BCO1: variants seen among roughly 807,000 people sequenced by gnomAD.
BCO1 encodes the protein beta-carotene oxygenase 1.
A neutral mutation model predicts 56.3 loss-of-function variants in BCO1; 54 were observed. That is an observed-to-expected ratio of 0.96 (90% confidence interval 0.77 to 1.20). The LOEUF (loss-of-function observed/expected upper bound fraction) is 1.20, where lower values mean the gene tolerates loss of function less well. Among genes scored for constraint, BCO1 ranks in the 50% most tolerant of loss-of-function variants. The pLI is 0.00. For synonymous variants in BCO1, 318 were observed against 266.1 expected (o/e 1.20, Z -1.90); for missense variants, 801 against 690.9 (o/e 1.16, Z -1.79).
chr16:81,275,477 C>A (rs1021310124), intron 7 of BCO1, among the ~76,000 whole-genome samples: 1 of 152,216 alleles, frequency 6.6e-6, no homozygotes, highest in Non-Finnish European at 1.5e-5. Context: ...CCTCTAATGG[C>A]GCCTTGTAAC....
chr16:81,239,023 T>TA, intron 1 of BCO1, 51 bp downstream of exon 1: 1 of 1,416,214 alleles, frequency 7.1e-7, no homozygotes, highest in South Asian at 1.3e-5. Flanking sequence ...TTTTATTATT[T>TA]TTTTTTTTTT....
intron 8 of BCO1, 66 bp from the exon 9 acceptor site, chr16:81,285,474 C>T (rs1272818785): frequency 8.4e-7 from 1 of 1,189,642 alleles, no homozygotes; most frequent in African/African-American, 1.5e-5. Context: ...CCCAATCTGA[C>T]AGGAAGGGTG....
intron 2 of BCO1, among the ~76,000 whole-genome samples, chr16:81,258,044 C>T (rs1418431527): frequency 1.3e-5 from 2 of 152,034 alleles, no homozygotes; most frequent in Admixed American, 6.6e-5. Context: ...AGACAGGGGT[C>T]ACAGTGACGC....
At chr16:81,249,267 C>CCT (rs1905634317) in intron 2 of BCO1, among the ~76,000 whole-genome samples, 1 of 150,070 alleles carries the variant, frequency 6.7e-6, no homozygotes, top group Non-Finnish European at 1.5e-5. Context: ...GTTTTTTTTT[C>CCT]TTTTTTTGAG....
chr16:81,251,874 A>ATGTGTGTGTG (rs56069135), intron 2 of BCO1, among the ~76,000 whole-genome samples: 2,961 of 146,706 alleles, frequency 0.02, 65 homozygotes, highest in African/African-American at 0.063. Flanking sequence ...ACACACATAT[A>ATGTGTGTGTG]TGTGTGTGTG....
chr16:81,270,781 G>T (rs1323809040), intron 7 of BCO1, among the ~76,000 whole-genome samples: 13 of 149,940 alleles, frequency 8.7e-5, no homozygotes, highest in African/African-American at 3.2e-4. Context: ...GTCTCGCTCT[G>T]TCACCCAGGC....
intron 2 of BCO1, among the ~76,000 whole-genome samples, chr16:81,254,823 G>A (rs1399164944): frequency 6.6e-6 from 1 of 152,126 alleles, no homozygotes; most frequent in African/African-American, 2.4e-5. Context: ...TTGAGGCAGG[G>A]TCTTGCTCTG....
intron 2 of BCO1, among the ~76,000 whole-genome samples, chr16:81,251,149 A>G (rs1350033668): frequency 6.6e-6 from 1 of 151,102 alleles, no homozygotes; most frequent in African/African-American, 2.4e-5. Flanking sequence ...GATGCAGGTT[A>G]GGTGCTTAAG....
At chr16:81,260,585 C>T (rs945812998) in intron 3 of BCO1, among the ~76,000 whole-genome samples, 8 of 151,966 alleles carry the variant, frequency 5.3e-5, no homozygotes, top group African/African-American at 1.7e-4. Context: ...CTCAGTTCAC[C>T]GCAACCTCTG....
In BCO1 at chr16:81,260,669, C is replaced by T. The variant is rs1004263913; in HGVS notation, c.323+864C>T. On this transcript the variant is annotated intron_variant, in intron 3 of 10. Coordinates refer to ENST00000258168, the MANE Select transcript of BCO1 (RefSeq NM_017429.3). ...GATTACAGGCACCCACCACCACGCC[C>T]GGCTAATTTTTATATTTTCAGTAGA... is the stretch of plus-strand genomic sequence containing the variant. Among the ~76,000 whole-genome samples, 13 of 152,160 alleles carry T rather than the reference C, an allele frequency of 8.5e-5. No individual in the cohort carries two copies. The East Asian group carries it at 1.4e-3, about 16-fold the overall frequency.
chr16:81,260,752 A>G (rs1906434991), intron 3 of BCO1, among the ~76,000 whole-genome samples: 1 of 152,118 alleles, frequency 6.6e-6, no homozygotes, highest in South Asian at 2.1e-4. Context: ...TAGGTGATCC[A>G]CCCACCTTGG....
intron 2 of BCO1, among the ~76,000 whole-genome samples, chr16:81,246,503 G>C (rs1175495534): frequency 6.6e-6 from 1 of 152,092 alleles, no homozygotes; most frequent in East Asian, 1.9e-4. Context: ...AGGTAGGCAA[G>C]AGCAGGTGGA....
At chr16:81,279,871 A>G (rs908126387) in intron 7 of BCO1, among the ~76,000 whole-genome samples, 2 of 152,218 alleles carry the variant, frequency 1.3e-5, no homozygotes, top group Non-Finnish European at 2.9e-5. Flanking sequence ...TTCTGCAGTG[A>G]TAACTTTTCC....
chr16:81,267,471 A>G (rs1271079677), intron 5 of BCO1, among the ~76,000 whole-genome samples: 1 of 152,168 alleles, frequency 6.6e-6, no homozygotes, highest in Non-Finnish European at 1.5e-5. Flanking sequence ...AAATTAGCCA[A>G]GCATGGTGGC....
chr16:81,249,408 C>T (rs939404215), intron 2 of BCO1, among the ~76,000 whole-genome samples: 4 of 152,150 alleles, frequency 2.6e-5, no homozygotes, highest in Admixed American at 2.6e-4. Context: ...AGGCTCCCAC[C>T]ACCACGCCTG....
Position 81,270,320 on chromosome 16 carries a change from C to T in BCO1, c.1005C>T (p.Phe335=), listed in dbSNP as rs141341532. The T allele has an allele frequency of 1.1e-4, 171 of 1,614,148 alleles. No homozygotes were observed. The African/African-American group carries it at 2.0e-3, about 19-fold the overall frequency. The change falls in exon 7 of 11, where the codon TTC becomes TTT. Residue 335 remains phenylalanine (F), a synonymous_variant. Transcript: ENST00000258168. ...AGGACAACAGCCTCTACCAGCTCTT[C>T]TACCTGGCCAACCTGAACCAGGACT... is the stretch of plus-strand genomic sequence containing the variant. ...AYEDNSLYQL[F]YLANLNQDFK... is the part of the protein sequence containing the mutation.
rs555874683 is a variant in BCO1 at position 81,254,539 on chromosome 16, A to G, written c.194-5137A>G. On this transcript the variant is annotated intron_variant, in intron 2 of 10. Transcript: ENST00000258168. ...TCACCTTTTTATGTGCCAGGACAAC[A>G]AGCCTGAGCCACCACGCCTCCCCTC... 2.3e-4 allele frequency among the ~76,000 whole-genome samples: 35 copies of G among 150,486 alleles called. No homozygotes were observed. The South Asian group carries it at 6.1e-3, about 26-fold the overall frequency.
chr16:81,274,113 C>CA (rs1188369405), intron 7 of BCO1, among the ~76,000 whole-genome samples: 3 of 152,162 alleles, frequency 2.0e-5, no homozygotes, highest in Non-Finnish European at 4.4e-5. Flanking sequence ...TAGTAAGTCT[C>CA]AAGGCTGACC....
intron 2 of BCO1, among the ~76,000 whole-genome samples, chr16:81,249,430 G>A (rs1038699497): frequency 9.9e-5 from 15 of 152,068 alleles, no homozygotes; most frequent in African/African-American, 3.6e-4. Context: ...CTAATTTTTT[G>A]TATTTTTAGT....
Sources: gnomAD v4.1 joint callset for allele counts (sites outside exome capture counted in the v4.1 genomes callset) on GRCh38, gnomAD v4.1.1 for gene constraint, MANE v1.5 for transcripts, NCBI Gene and HGNC (gene_info 2026-07-23, HGNC 2026-07-21) for gene names.